The following EIF4G3 variants were observed in gnomAD, a reference collection of about 807,000 sequenced individuals.
The protein encoded by EIF4G3 is eIF-4-gamma 3.
Under a neutral mutation model 186.4 loss-of-function variants are expected in EIF4G3, and 34 were observed. The ratio of observed to expected loss-of-function variants is 0.18; its 90% confidence interval spans 0.14 to 0.24. The LOEUF is 0.24. EIF4G3 is among the 10% of genes least tolerant of loss of function. The pLI, the probability that EIF4G3 is intolerant of heterozygous loss-of-function variation, is 1.00. For synonymous variants in EIF4G3, 673 were observed against 679.5 expected (o/e 0.99, Z 0.15); for missense variants, 1,536 against 1,948.5 (o/e 0.79, Z 3.99).
In EIF4G3 at chr1:20,981,620, A is replaced by G. The variant is rs1213158218; in HGVS notation, c.199-393T>C. 7.2e-5 allele frequency among the ~76,000 whole-genome samples: 9 copies of G among 124,290 alleles called. 1 individual carries two copies. Among genetic ancestry groups the G allele is most frequent in the African/African-American group, 2.5e-4 (8 of 32,192 alleles). The allele number at this position is 124,290 out of a possible 152,430, so 81.5% of individuals were successfully genotyped here. ...ATGTATACGCACATACTGTATGTAT[A>G]CATACATGTATACGCACATACTGTA... is the stretch of plus-strand genomic sequence containing the variant. On this transcript the variant is annotated intron_variant, in intron 8 of 36. Coordinates refer to ENST00000602326, the MANE Select transcript of EIF4G3 (RefSeq NM_001391906.1).
intron 4 of EIF4G3, among the ~76,000 whole-genome samples, chr1:21,008,017 G>A (rs999824115): frequency 4.6e-5 from 7 of 152,232 alleles, no homozygotes; most frequent in African/African-American, 1.7e-4. Flanking sequence ...GCTGGGTGCA[G>A]TGGCTCATGC....
At chr1:20,859,322 G>A (rs2075822087) in intron 24 of EIF4G3, among the ~76,000 whole-genome samples, 1 of 152,168 alleles carries the variant, frequency 6.6e-6, no homozygotes, top group African/African-American at 2.4e-5. Flanking sequence ...CACTGCACTA[G>A]GTACTAGAGC....
At chr1:21,173,627 G>A (rs1223827889) in intron 2 of EIF4G3, among the ~76,000 whole-genome samples, 1 of 152,278 alleles carries the variant, frequency 6.6e-6, no homozygotes, top group African/African-American at 2.4e-5. Flanking sequence ...GGCGTAGGTT[G>A]CAGTGAGCCG....
intron 4 of EIF4G3, among the ~76,000 whole-genome samples, chr1:21,008,783 G>A (rs975043627): frequency 6.6e-6 from 1 of 152,182 alleles, no homozygotes; most frequent in Non-Finnish European, 1.5e-5. Flanking sequence ...GTAATACAGA[G>A]AATGCTGAAA....
intron 2 of EIF4G3, among the ~76,000 whole-genome samples, chr1:21,107,886 G>A (rs1417790865): frequency 6.6e-6 from 1 of 152,198 alleles, no homozygotes; most frequent in Non-Finnish European, 1.5e-5. Context: ...GTTGGCTTGT[G>A]CCTGCGATCC....
chr1:20,886,339 A>G lies in EIF4G3; in HGVS notation c.2286T>C (p.Pro762=), dbSNP rs1259706401. 6.2e-7 allele frequency: 1 copy of G among 1,613,786 alleles called. No individual in the cohort carries two copies. Among genetic ancestry groups the G allele is most frequent in the Non-Finnish European group, 8.5e-7 (1 of 1,179,944 alleles). Reference sequence around the variant, plus strand: ...TCTTTCTGGGTTCTCTTCTTTGGCCAGGTTGAGATCTTCGTGACCCAACAT... The same window carrying G: ...TCTTTCTGGGTTCTCTTCTTTGGCCGGGTTGAGATCTTCGTGACCCAACAT... The part of the protein sequence containing the change: ...LLNVGSRRSQ[P]GQRREPRKII... The change falls in exon 19 of 37, where the codon CCT becomes CCC. Residue 762 remains proline, a synonymous_variant. Transcript: ENST00000602326.
At chr1:21,081,803 A>C (rs1300501170) in intron 3 of EIF4G3, among the ~76,000 whole-genome samples, 2 of 151,812 alleles carry the variant, frequency 1.3e-5, no homozygotes, top group African/African-American at 4.8e-5. Flanking sequence ...CACCATACCC[A>C]GCTAATTTTT....
intron 18 of EIF4G3, among the ~76,000 whole-genome samples, chr1:20,886,617 C>T (rs370995741): frequency 2.6e-5 from 4 of 152,084 alleles, no homozygotes; most frequent in African/African-American, 7.2e-5. Flanking sequence ...TTGACAAAGC[C>T]GTTACTTCTA....
chr1:20,941,884 C>G lies in EIF4G3; in HGVS notation c.1270G>C (p.Ala424Pro). Residue 424 changes from alanine to proline, a missense_variant, in exon 14 of 37, where the codon GCC becomes CCC. Physicochemically the swap from Ala to Pro is conservative, Grantham distance 27. Transcript: ENST00000602326. ...EINGVSEKLS[A>P]TESIVEIVKQ... is the part of the protein sequence containing the mutation. ...ACTATTTCCACAATGCTCTCCGTGG[C>G]TGATAATTTTTCGCTAACTCCATTT... is the stretch of plus-strand genomic sequence containing the variant. 6.2e-7 allele frequency: 1 copy of G among 1,614,168 alleles called. No individual in the cohort carries two copies. Among genetic ancestry groups the G allele is most frequent in the Non-Finnish European group, 8.5e-7 (1 of 1,180,026 alleles).
intron 2 of EIF4G3, among the ~76,000 whole-genome samples, chr1:21,127,524 T>C (rs959166535): frequency 2.6e-5 from 4 of 152,186 alleles, no homozygotes; most frequent in African/African-American, 9.7e-5. Flanking sequence ...CTTAATGCAA[T>C]ACCTGGTACG....
intron 12 of EIF4G3, among the ~76,000 whole-genome samples, chr1:20,957,824 T>C (rs932552382): frequency 1.3e-5 from 2 of 152,038 alleles, no homozygotes; most frequent in Admixed American, 1.3e-4. Flanking sequence ...TCCTGGAACA[T>C]ACCACCCTCC....
At chr1:20,882,826 A>G (rs1480474456) in intron 19 of EIF4G3, among the ~76,000 whole-genome samples, 2 of 151,720 alleles carry the variant, frequency 1.3e-5, no homozygotes, top group African/African-American at 4.8e-5. Flanking sequence ...ATGGTAGTTC[A>G]TACCTGGAAT....
intron 3 of EIF4G3, among the ~76,000 whole-genome samples, chr1:21,081,259 C>T (rs1023602919): frequency 2.6e-5 from 4 of 152,062 alleles, no homozygotes; most frequent in African/African-American, 7.2e-5. Flanking sequence ...GGTGAAACCC[C>T]GTCTCTACTA....
chr1:20,872,836 AAGCAATT>A, intron 20 of EIF4G3, among the ~76,000 whole-genome samples: 1 of 149,430 alleles, frequency 6.7e-6, no homozygotes, highest in Non-Finnish European at 1.5e-5. Flanking sequence ...CTCCTGCCTC[AAGCAATT>A]CTCCTGCCTC....
At chr1:20,956,428 G>A (rs1340941504) in intron 12 of EIF4G3, among the ~76,000 whole-genome samples, 1 of 152,078 alleles carries the variant, frequency 6.6e-6, no homozygotes, top group African/African-American at 2.4e-5. Context: ...GCAGAGAGAT[G>A]AGTGAGAAAG....
chr1:20,920,349 A>T (rs1400276537), intron 14 of EIF4G3, among the ~76,000 whole-genome samples: 2 of 151,966 alleles, frequency 1.3e-5, no homozygotes, highest in African/African-American at 4.8e-5. Flanking sequence ...TATTTTATTC[A>T]CATTCTTTTT....
At chr1:20,881,270 C>T (rs1293631995) in intron 19 of EIF4G3, among the ~76,000 whole-genome samples, 2 of 152,136 alleles carry the variant, frequency 1.3e-5, no homozygotes, top group Admixed American at 1.3e-4. Context: ...ACTGGACATC[C>T]ACAAGAAAGG....
At chr1:21,155,204 A>C (rs2097627491) in intron 2 of EIF4G3, among the ~76,000 whole-genome samples, 1 of 135,510 alleles carries the variant, frequency 7.4e-6, no homozygotes, top group Admixed American at 8.6e-5. Context: ...CGGAGGTTGC[A>C]GTGAGCCAAG....
chr1:20,880,654 G>A (rs1328489583), intron 19 of EIF4G3, among the ~76,000 whole-genome samples: 2 of 152,194 alleles, frequency 1.3e-5, no homozygotes, highest in Non-Finnish European at 2.9e-5. Context: ...GGGAGGCTGA[G>A]GCAGAAGAAA....
Sources: gnomAD v4.1 joint callset for allele counts (sites outside exome capture counted in the v4.1 genomes callset) on GRCh38, gnomAD v4.1.1 for gene constraint, MANE v1.5 for transcripts, NCBI Gene and HGNC (gene_info 2026-07-23, HGNC 2026-07-21) for gene names.